The following SVEP1 variants were observed in gnomAD, a reference collection of about 807,000 sequenced individuals.
SVEP1 encodes sushi, von Willebrand factor type A, EGF and pentraxin domain containing 1.
In SVEP1, 164 loss-of-function variants were observed where a neutral mutation model predicts 367.3. That is an observed-to-expected ratio of 0.45 (90% confidence interval 0.39 to 0.51). The LOEUF is 0.51. Among genes scored for constraint, SVEP1 ranks in the 20% least tolerant of loss-of-function variants. SVEP1 has a pLI of 0.00. For synonymous variants in SVEP1, 1,666 were observed against 1,611.6 expected, an observed-to-expected ratio of 1.03 and a Z score of -0.81; for missense variants, 4,117 against 4,425.3, an observed-to-expected ratio of 0.93 and a Z score of 1.98.
At position 110,427,458 on chromosome 9, in the gene SVEP1, T is replaced by C. The variant is rs998776874; in HGVS notation, c.5975+133A>G. On this transcript the variant is annotated intron_variant, in intron 36 of 47. Transcript: ENST00000374469. ...ATACTCCGTCTCTGCAGGTAGGAAA[T>C]AAAAGCATAAGGCTCTCTTTGTCTT... 1.0e-5 allele frequency: 11 copies of C among 1,089,082 alleles called. No individual in the cohort carries two copies. In the African/African-American group the frequency reaches 1.7e-4, roughly 17 times the overall value. 67.5% of individuals were successfully genotyped at this position (1,089,082 alleles called of 1,614,324 possible).
intron 3 of SVEP1, 126 bp downstream of exon 3, chr9:110,545,989 A>C: frequency 8.4e-7 from 1 of 1,197,250 alleles, no homozygotes; most frequent in South Asian, 1.5e-5. Flanking sequence ...GAAGCCCCAA[A>C]GAGATGTGCC....
chr9:110,539,635 G>A (rs998504510), intron 3 of SVEP1, among the ~76,000 whole-genome samples: 4 of 150,636 alleles, frequency 2.7e-5, no homozygotes, highest in African/African-American at 7.3e-5. Flanking sequence ...ACACATATAT[G>A]TATGTGTTAC....
At chr9:110,569,108 T>C (rs562283265) in intron 1 of SVEP1, among the ~76,000 whole-genome samples, 11 of 149,244 alleles carry the variant, frequency 7.4e-5, no homozygotes, top group Middle Eastern at 3.7e-3. Context: ...AATAAATAAA[T>C]AAAAATTAAA....
intron 40 of SVEP1, among the ~76,000 whole-genome samples, chr9:110,397,596 C>T (rs1389647429): frequency 6.6e-6 from 1 of 152,010 alleles, no homozygotes; most frequent in Non-Finnish European, 1.5e-5. Flanking sequence ...TAGAAAACCC[C>T]ATTGTCTCAG....
At chr9:110,459,217 T>A in intron 18 of SVEP1, 104 bp from the exon 19 acceptor site, 1 of 1,072,382 alleles carries the variant, frequency 9.3e-7, no homozygotes, top group African/African-American at 1.6e-5. Context: ...GAATTATCTA[T>A]ATAATCTCTT....
chr9:110,492,635 G>C (rs1829385965), intron 8 of SVEP1, among the ~76,000 whole-genome samples: 1 of 151,940 alleles, frequency 6.6e-6, no homozygotes, highest in Non-Finnish European at 1.5e-5. Context: ...ATATGAAATA[G>C]GAGAATTGAC....
chr9:110,515,382 C>T (rs1272925813), intron 3 of SVEP1, among the ~76,000 whole-genome samples: 1 of 149,170 alleles, frequency 6.7e-6, no homozygotes, highest in Non-Finnish European at 1.5e-5. Context: ...CTCACTGCAA[C>T]CTCTGCCTCC....
chr9:110,513,169 T>C, intron 4 of SVEP1, 64 bp from the exon 5 acceptor site: 1 of 1,459,538 alleles, frequency 6.9e-7, no homozygotes, highest in Non-Finnish European at 9.2e-7. Context: ...ATATCCTTTT[T>C]TTTTTTTCTT....
At chr9:110,456,779 A>G (rs1828782370) in intron 21 of SVEP1, among the ~76,000 whole-genome samples, 1 of 152,240 alleles carries the variant, frequency 6.6e-6, no homozygotes, top group Non-Finnish European at 1.5e-5. Flanking sequence ...CGTAATTCCT[A>G]CATAATAAAG....
At chr9:110,427,883 C>G (rs755181443) in intron 35 of SVEP1, 125 bp from the exon 36 acceptor site, 9 of 1,140,096 alleles carry the variant, frequency 7.9e-6, no homozygotes, top group Non-Finnish European at 1.1e-5. Context: ...AATAGCATTT[C>G]TTCATATTAG....
At chr9:110,396,370 G>A (rs1209109154) in intron 40 of SVEP1, among the ~76,000 whole-genome samples, 2 of 152,044 alleles carry the variant, frequency 1.3e-5, no homozygotes, top group Non-Finnish European at 2.9e-5. Flanking sequence ...GAAATTTATA[G>A]CACTAAATGC....
intron 1 of SVEP1, among the ~76,000 whole-genome samples, chr9:110,562,238 C>A (rs73655399): frequency 0.22 from 27,850 of 124,928 alleles, 3,010 homozygotes; most frequent in East Asian, 0.49. Flanking sequence ...ATAGCAAAAA[C>A]AAAAAAAAAG....
At chr9:110,377,477 G>A in intron 44 of SVEP1, 111 bp from the exon 45 acceptor site, 1 of 959,472 alleles carries the variant, frequency 1.0e-6, no homozygotes, top group Middle Eastern at 2.3e-4. Context: ...CAAGCTTTCA[G>A]GAAGAGAGAC....
In SVEP1 at chr9:110,504,489, T is replaced by C. The variant is rs374812570; in HGVS notation, c.1304-1272A>G. 2.8e-4 allele frequency among the ~76,000 whole-genome samples: 43 copies of C among 152,328 alleles called. 1 individual carries two copies. In the South Asian group the frequency reaches 8.9e-3, roughly 32 times the overall value. The stretch of plus-strand genomic sequence containing the variant: ...CCCAGCATACTAGAGTATAAGTATA[T>C]GATACTGTGGGAACATATCATGCAC... On this transcript the variant is annotated intron_variant, in intron 5 of 47. Transcript: ENST00000374469.
At chr9:110,386,234 G>T (rs1308724691) in intron 42 of SVEP1, among the ~76,000 whole-genome samples, 160 bp from the exon 43 acceptor site, 1 of 152,098 alleles carries the variant, frequency 6.6e-6, no homozygotes, top group Non-Finnish European at 1.5e-5. Context: ...GACTTGTTTT[G>T]CATCCTCATG....
intron 3 of SVEP1, among the ~76,000 whole-genome samples, chr9:110,538,196 CAATA>C (rs1333699063): frequency 6.6e-6 from 1 of 151,966 alleles, no homozygotes; most frequent in Non-Finnish European, 1.5e-5. Context: ...CTACCTCATT[CAATA>C]GAAATGGAAC....
chr9:110,550,914 C>T (rs765365752), intron 1 of SVEP1, among the ~76,000 whole-genome samples: 3 of 152,134 alleles, frequency 2.0e-5, no homozygotes, highest in Non-Finnish European at 4.4e-5. Flanking sequence ...TAACACCAGA[C>T]TATAAAGGCA....
chr9:110,409,376 T>C (rs1828009511), intron 37 of SVEP1, among the ~76,000 whole-genome samples: 1 of 152,092 alleles, frequency 6.6e-6, no homozygotes, highest in African/African-American at 2.4e-5. Context: ...GAGCTGAGAT[T>C]GTGCCACTGC....
At chr9:110,484,740 C>T (rs1829250204) in intron 9 of SVEP1, among the ~76,000 whole-genome samples, 1 of 149,418 alleles carries the variant, frequency 6.7e-6, no homozygotes, top group Admixed American at 6.7e-5. Context: ...CTTAGATTTA[C>T]AAGAAAAAAA....
Sources: gnomAD v4.1 joint callset for allele counts (sites outside exome capture counted in the v4.1 genomes callset) on GRCh38, gnomAD v4.1.1 for gene constraint, MANE v1.5 for transcripts, NCBI Gene and HGNC (gene_info 2026-07-23, HGNC 2026-07-21) for gene names.